ALS2: variants seen among roughly 807,000 people sequenced by gnomAD.
ALS2 encodes the protein alsin.
A neutral mutation model predicts 203.4 loss-of-function variants in ALS2; 117 were observed. That is an observed-to-expected ratio of 0.58 (90% CI 0.50 to 0.67). The LOEUF (loss-of-function observed/expected upper bound fraction) is 0.67. Among genes scored for constraint, ALS2 ranks in the 30% least tolerant of loss-of-function variants. The pLI is 0.00. For synonymous variants in ALS2, 718 were observed against 725.9 expected, an observed-to-expected ratio of 0.99 and a Z score of 0.17; for missense variants, 1,715 against 1,989.4, an observed-to-expected ratio of 0.86 and a Z score of 2.62.
At chr2:201,760,277 C>T (rs1693679833) in intron 4 of ALS2, 2 of 933,652 alleles carry the variant, frequency 2.1e-6, no homozygotes, top group Non-Finnish European at 2.6e-6. Flanking sequence ...CATTACTGCA[C>T]TCCAGCCTGG....
Position 201,704,507 on chromosome 2 carries a change from C to T in ALS2, c.4785G>A (p.Leu1595=), listed in dbSNP as rs760849143. Residue 1595 remains leucine, a synonymous_variant, in exon 32 of 34, where the codon TTG becomes TTA. Coordinates refer to ENST00000264276, the MANE Select transcript of ALS2 (RefSeq NM_020919.4). ...CAGGAAACAAGTCATCCATGGACCA[C>T]AAGAAGTCTTCGTGGAGTGACGCCA... The part of the protein sequence containing the change: ...SVLASLHEDF[L]WSMDDLFPVF... The T allele has an allele frequency of 6.2e-7, 1 of 1,614,148 alleles. No individual in the cohort carries two copies. Among genetic ancestry groups the T allele is most frequent in the Non-Finnish European group, 8.5e-7 (1 of 1,180,018 alleles).
chr2:201,753,804 CA>C (rs911454203), intron 6 of ALS2, among the ~76,000 whole-genome samples: 27 of 151,698 alleles, frequency 1.8e-4, no homozygotes, highest in Admixed American at 1.2e-3. Flanking sequence ...AAAAACAAAA[CA>C]AAAAAAACTG....
intron 3 of ALS2, among the ~76,000 whole-genome samples, chr2:201,762,433 A>G (rs1318106672): frequency 6.6e-6 from 1 of 152,218 alleles, no homozygotes; most frequent in Non-Finnish European, 1.5e-5. Context: ...ATAAATATAC[A>G]GGTTGAGTAT....
Position 201,730,466 on chromosome 2 carries a change from C to G in ALS2, c.2581-1283G>C, listed in dbSNP as rs368094169. Among the ~76,000 whole-genome samples, 12 of 152,338 alleles carry G rather than the reference C, an allele frequency of 7.9e-5. No homozygotes were observed. In the East Asian group the frequency reaches 1.5e-3, roughly 20 times the overall value. On this transcript the variant is annotated intron_variant, in intron 13 of 33. Transcript: ENST00000264276. ...GTCAGACTCACAGTGGCAGATCCAT[C>G]TCTAACATTCTAATTTTCGCTTAAA...
rs147742902 is a variant in ALS2 at position 201,726,232 on chromosome 2, T to C, written c.3248+252A>G. ...ACAACTGAGAAATGAATAGAAAACA[T>C]AGCCCCATTTTAACAGATGGAAGGC... On this transcript the variant is annotated intron_variant, in intron 19 of 33. Coordinates refer to ENST00000264276, the MANE Select transcript of ALS2 (RefSeq NM_020919.4). 3.8e-3 allele frequency among the ~76,000 whole-genome samples: 574 copies of C among 152,238 alleles called. 2 individuals carry two copies. Among genetic ancestry groups the C allele is most frequent in the Admixed American group, 9.5e-3 (145 of 15,292 alleles).
At chr2:201,758,254 C>T (rs1352804418) in intron 4 of ALS2, among the ~76,000 whole-genome samples, 1 of 152,064 alleles carries the variant, frequency 6.6e-6, no homozygotes, top group Non-Finnish European at 1.5e-5. Context: ...CCCTGAAATG[C>T]TTTATAAATT....
intron 3 of ALS2, chr2:201,763,281 T>C (rs751571546): frequency 3.9e-4 from 71 of 180,964 alleles, no homozygotes; most frequent in Non-Finnish European, 1.5e-4. Flanking sequence ...GTGCGCCTCA[T>C]CCCTGCACCC....
At chr2:201,778,640 A>G (rs1694761368) in intron 1 of ALS2, among the ~76,000 whole-genome samples, 1 of 152,190 alleles carries the variant, frequency 6.6e-6, no homozygotes, top group Non-Finnish European at 1.5e-5. Flanking sequence ...AAAACCGAGT[A>G]CTTTCTTATT....
chr2:201,705,251 C>T (rs1224164810), intron 30 of ALS2, 51 bp from the exon 31 acceptor site: 1 of 1,573,726 alleles, frequency 6.4e-7, no homozygotes, highest in Non-Finnish European at 8.7e-7. Context: ...TCTGCAACAA[C>T]AGAAATAAAT....
At chr2:201,744,620 G>A (rs1409054064) in intron 9 of ALS2, among the ~76,000 whole-genome samples, 191 bp from the exon 10 acceptor site, 1 of 152,046 alleles carries the variant, frequency 6.6e-6, no homozygotes, top group Non-Finnish European at 1.5e-5. Flanking sequence ...CACAGACTAG[G>A]GTTTTTTTTG....
At chr2:201,727,569 G>T in intron 16 of ALS2, 136 bp downstream of exon 16, 1 of 782,684 alleles carries the variant, frequency 1.3e-6, no homozygotes. Flanking sequence ...ACTGTCTAAT[G>T]TGCTGAGAGG....
At chr2:201,703,137 T>C (rs1197394677) in intron 33 of ALS2, among the ~76,000 whole-genome samples, 4 of 152,184 alleles carry the variant, frequency 2.6e-5, no homozygotes, top group African/African-American at 9.6e-5. Flanking sequence ...GCATTAATGG[T>C]ATTTTAGTTG....
At chr2:201,744,126 T>G in intron 10 of ALS2, 132 bp downstream of exon 10, 1 of 1,012,586 alleles carries the variant, frequency 9.9e-7, no homozygotes, top group Non-Finnish European at 1.5e-6. Flanking sequence ...TGACTACCTG[T>G]GTACACACAC....
intron 4 of ALS2, 37 bp from the exon 5 acceptor site, chr2:201,757,796 T>A: frequency 6.9e-7 from 1 of 1,456,798 alleles, no homozygotes; most frequent in South Asian, 1.2e-5. Flanking sequence ...TATAAAAATA[T>A]AATCCCTTAT....
rs750061918 is a variant in ALS2, at chr2:201,767,231, T to C, written c.173A>G (p.Glu58Gly). Residue 58 changes from glutamate to glycine, a missense_variant and splice_region_variant, in exon 3 of 34, where the codon GAA (glutamate) becomes GGA (glycine). Glu to Gly is a moderately conservative substitution (Grantham distance 98). Transcript: ENST00000264276. ...LGVKHGVLLT[E>G]DGEVYSFGTL... The stretch of plus-strand genomic sequence containing the variant: ...TGTTACGCCATTCTTTTCATTACCT[T>C]CAGTCAGAAGAACTCCATGTTTCAC... 2.5e-6 allele frequency: 4 copies of C among 1,613,980 alleles called. No homozygotes were observed. The African/African-American group carries it at 5.3e-5, about 22-fold the overall frequency.
At chr2:201,733,717 T>G (rs1691713717) in intron 12 of ALS2, among the ~76,000 whole-genome samples, 1 of 152,142 alleles carries the variant, frequency 6.6e-6, no homozygotes, top group Non-Finnish European at 1.5e-5. Flanking sequence ...TCCAACAATT[T>G]AAGATGAATA....
At chr2:201,704,735 T>C in intron 31 of ALS2, 132 bp from the exon 32 acceptor site, 1 of 1,009,128 alleles carries the variant, frequency 9.9e-7, no homozygotes, top group Non-Finnish European at 1.5e-6. Flanking sequence ...TATGAGTCGT[T>C]GGAAAGGATG....
At chr2:201,759,763 A>G in intron 4 of ALS2, 1 of 985,316 alleles carries the variant, frequency 1.0e-6, no homozygotes, top group Non-Finnish European at 1.2e-6. Context: ...GTAAACAATA[A>G]GAATTGAGAA....
chr2:201,761,703 T>G lies in ALS2; in HGVS notation c.291A>C (p.Ala97=). 6.2e-7 allele frequency: 1 copy of G among 1,614,210 alleles called. No homozygotes were observed. ...ALVGQYVITV[A]TGSFHSGAVT... ...CTGCTCCACTATGGAAGCTTCCTGT[T>G]GCCACAGTAATAACATATTGCCCAA... Residue 97 remains alanine (A), a synonymous_variant, in exon 4 of 34, where the codon GCA becomes GCC. Transcript: ENST00000264276.
Sources: gnomAD v4.1 joint callset for allele counts (sites outside exome capture counted in the v4.1 genomes callset) on GRCh38, gnomAD v4.1.1 for gene constraint, MANE v1.5 for transcripts, NCBI Gene and HGNC (gene_info 2026-07-23, HGNC 2026-07-21) for gene names.